The following TBC1D1 variants were observed in gnomAD, a reference collection of about 807,000 sequenced individuals.
TBC1D1 encodes the protein TBC1 domain family member 1.
In TBC1D1, 89 loss-of-function variants were observed where a neutral mutation model predicts 125.6. The ratio of observed to expected loss-of-function variants is 0.71; its 90% CI spans 0.60 to 0.85. The LOEUF is 0.85. Ranked by LOEUF, TBC1D1 falls within the 40% of genes least tolerant of loss-of-function variation. The pLI, the probability that TBC1D1 is intolerant of heterozygous loss-of-function variation, is 0.00. For missense variants in TBC1D1, 1,377 were observed against 1,469.2 expected (o/e 0.94, Z 1.03); for synonymous variants, 565 against 564.1 (o/e 1.00, Z -0.02).
At chr4:38,120,720 A>G (rs958474428) in intron 17 of TBC1D1, among the ~76,000 whole-genome samples, 8 of 152,180 alleles carry the variant, frequency 5.3e-5, no homozygotes, top group African/African-American at 1.4e-4. Context: ...CAGTTCTTCT[A>G]CCTGGTGTCA....
At chr4:38,039,104 C>CT (rs776941680) in intron 8 of TBC1D1, among the ~76,000 whole-genome samples, 1,008 of 51,556 alleles carry the variant, frequency 0.02, 333 homozygotes, top group Non-Finnish European at 0.031. Flanking sequence ...GCATCATACT[C>CT]TTTTTTTTTT....
intron 13 of TBC1D1, 29 bp from the exon 16 acceptor site, chr4:38,095,900 C>T (rs1759243960): frequency 6.3e-7 from 1 of 1,588,422 alleles, no homozygotes; most frequent in East Asian, 2.2e-5. Context: ...GTAGCCTTTA[C>T]TAATGCGCTC....
chr4:38,060,598 G>GAC (rs887174444), intron 12 of TBC1D1: 1 of 1,288,274 alleles, frequency 7.8e-7, no homozygotes, highest in Non-Finnish European at 1.0e-6. Context: ...ACGTCTGTGT[G>GAC]ACAGCCTTCT....
At chr4:37,946,249 G>T (rs1726672668) in intron 2 of TBC1D1, among the ~76,000 whole-genome samples, 1 of 152,222 alleles carries the variant, frequency 6.6e-6, no homozygotes, top group Non-Finnish European at 1.5e-5. Flanking sequence ...GGAGGAATGA[G>T]TTCTGGTCTT....
chr4:37,922,061 C>T (rs1721120688), intron 2 of TBC1D1, among the ~76,000 whole-genome samples: 1 of 152,134 alleles, frequency 6.6e-6, no homozygotes, highest in Non-Finnish European at 1.5e-5. Flanking sequence ...TATCTCTACT[C>T]TTAAATAGGA....
chr4:37,940,265 A>G (rs1188039215), intron 2 of TBC1D1, among the ~76,000 whole-genome samples: 2 of 152,006 alleles, frequency 1.3e-5, no homozygotes, highest in African/African-American at 2.4e-5. Flanking sequence ...ATTCCTAGGT[A>G]TTTTATTCTC....
chr4:37,961,628 C>T (rs900072919), intron 2 of TBC1D1, among the ~76,000 whole-genome samples: 20 of 152,210 alleles, frequency 1.3e-4, no homozygotes, highest in African/African-American at 4.6e-4. Flanking sequence ...TCAGGGTTTC[C>T]TCTCTGGTTC....
intron 2 of TBC1D1, among the ~76,000 whole-genome samples, chr4:37,917,762 G>T (rs993698523): frequency 1.3e-5 from 2 of 152,100 alleles, no homozygotes; most frequent in African/African-American, 4.8e-5. Context: ...CTGCTATCTG[G>T]ACTATATACT....
intron 2 of TBC1D1, among the ~76,000 whole-genome samples, chr4:37,970,304 G>T (rs1163370799): frequency 1.3e-5 from 2 of 152,080 alleles, no homozygotes; most frequent in African/African-American, 4.8e-5. Flanking sequence ...GGCAAATATG[G>T]GTTTCTTTGG....
intron 12 of TBC1D1, among the ~76,000 whole-genome samples, chr4:38,066,094 A>G (rs1438577348): frequency 6.6e-6 from 1 of 152,194 alleles, no homozygotes; most frequent in African/African-American, 2.4e-5. Flanking sequence ...TGAACCGTTG[A>G]CAGTTTTACG....
At chr4:38,093,552 TTTG>T (rs1323357538) in intron 13 of TBC1D1, among the ~76,000 whole-genome samples, 2 of 148,560 alleles carry the variant, frequency 1.3e-5, no homozygotes, top group East Asian at 4.4e-4. Flanking sequence ...GAGACAGAGT[TTTG>T]CTCTTGTTGC....
intron 2 of TBC1D1, among the ~76,000 whole-genome samples, chr4:37,986,859 T>C (rs1180912603): frequency 1.3e-5 from 2 of 152,186 alleles, no homozygotes; most frequent in East Asian, 1.9e-4. Context: ...TCCTTTGATA[T>C]GTGAAGGGTG....
At chr4:38,007,444 G>A (rs553304452) in intron 2 of TBC1D1, among the ~76,000 whole-genome samples, 10 of 151,982 alleles carry the variant, frequency 6.6e-5, no homozygotes, top group African/African-American at 2.2e-4. Context: ...GTAGAGACGG[G>A]GTTTCACCTT....
intron 18 of TBC1D1, among the ~76,000 whole-genome samples, chr4:38,131,446 C>T (rs1179612471): frequency 6.6e-6 from 1 of 152,122 alleles, no homozygotes; most frequent in Non-Finnish European, 1.5e-5. Context: ...GATGGTTTTG[C>T]TGAGGTTGAA....
At chr4:38,134,814 T>C (rs187070797) in intron 19 of TBC1D1, among the ~76,000 whole-genome samples, 2 of 152,344 alleles carry the variant, frequency 1.3e-5, no homozygotes, top group Non-Finnish European at 2.9e-5. Context: ...CATCAGACAG[T>C]AATTGGTGAT....
At chr4:38,097,057 GT>G (rs1283850138) in intron 14 of TBC1D1, among the ~76,000 whole-genome samples, 2 of 152,162 alleles carry the variant, frequency 1.3e-5, no homozygotes, top group African/African-American at 4.8e-5. Flanking sequence ...CTGAGTTCTG[GT>G]TGAGCTCATC....
At chr4:37,912,679 C>T (rs543859174) in intron 2 of TBC1D1, among the ~76,000 whole-genome samples, 1 of 152,220 alleles carries the variant, frequency 6.6e-6, no homozygotes, top group East Asian at 1.9e-4. Flanking sequence ...TATTATGATC[C>T]TATAAAAGAG....
At chr4:37,999,609 G>T (rs567193056) in intron 2 of TBC1D1, among the ~76,000 whole-genome samples, 11 of 152,078 alleles carry the variant, frequency 7.2e-5, no homozygotes, top group Non-Finnish European at 1.2e-4. Flanking sequence ...GCAGGCCTGT[G>T]GGGGGAGGGA....
intron 12 of TBC1D1, among the ~76,000 whole-genome samples, chr4:38,068,264 G>T (rs1340088791): frequency 6.6e-6 from 1 of 152,204 alleles, no homozygotes; most frequent in Non-Finnish European, 1.5e-5. Flanking sequence ...GGCTGGTCAC[G>T]TGCAGCCACC....
Sources: gnomAD v4.1 joint callset for allele counts (sites outside exome capture counted in the v4.1 genomes callset) on GRCh38, gnomAD v4.1.1 for gene constraint, MANE v1.5 for transcripts, NCBI Gene and HGNC (gene_info 2026-07-23, HGNC 2026-07-21) for gene names.